Variants in CCDC102B observed in about 807,000 individuals in gnomAD.
CCDC102B encodes coiled-coil domain-containing protein 102B.
In CCDC102B, 75 loss-of-function variants were observed where a neutral mutation model predicts 57.4. The ratio of observed to expected loss-of-function variants is 1.31; its 90% CI spans 1.08 to 1.58. CCDC102B has a LOEUF of 1.58. CCDC102B is among the 40% of genes most tolerant of loss of function. The pLI, the probability that CCDC102B is intolerant of heterozygous loss-of-function variation, is 0.00. For synonymous variants in CCDC102B, 206 were observed against 201.9 expected, an observed-to-expected ratio of 1.02 and a Z score of -0.17; for missense variants, 636 against 582.6, an observed-to-expected ratio of 1.09 and a Z score of -0.94.
chr18:69,039,573 T>G (rs1275849336), intron 7 of CCDC102B, among the ~76,000 whole-genome samples: 1 of 151,930 alleles, frequency 6.6e-6, no homozygotes, highest in Non-Finnish European at 1.5e-5. Context: ...GTACTATTAT[T>G]AATTATATGT....
intron 2 of CCDC102B, among the ~76,000 whole-genome samples, chr18:68,787,715 C>T (rs1264998331): frequency 6.8e-6 from 1 of 147,844 alleles, no homozygotes; most frequent in Non-Finnish European, 1.5e-5. Context: ...TGATTCTTCT[C>T]TCTTTTTTTC....
intron 6 of CCDC102B, among the ~76,000 whole-genome samples, chr18:68,958,357 G>C (rs1182795072): frequency 6.6e-6 from 1 of 152,146 alleles, no homozygotes; most frequent in Non-Finnish European, 1.5e-5. Flanking sequence ...TCATTCTGTT[G>C]ATATGACATA....
intron 6 of CCDC102B, chr18:68,897,717 A>G (rs2040294490): frequency 9.3e-7 from 1 of 1,071,730 alleles, no homozygotes; most frequent in Non-Finnish European, 1.3e-6. Context: ...TTTGTTTCTT[A>G]TTAAAGCTTT....
intron 5 of CCDC102B, among the ~76,000 whole-genome samples, chr18:68,879,895 C>T (rs1354365864): frequency 6.6e-6 from 1 of 152,232 alleles, no homozygotes; most frequent in Non-Finnish European, 1.5e-5. Flanking sequence ...TAAAGGTTCT[C>T]CACGTCCCCA....
At chr18:69,002,302 G>T (rs894729255) in intron 6 of CCDC102B, among the ~76,000 whole-genome samples, 1 of 152,172 alleles carries the variant, frequency 6.6e-6, no homozygotes, top group African/African-American at 2.4e-5. Context: ...TACAATTGTA[G>T]AGGCAGAAAA....
chr18:68,867,005 T>C, intron 4 of CCDC102B: 1 of 308,598 alleles, frequency 3.2e-6, no homozygotes, highest in Admixed American at 4.5e-5. Context: ...TGTGTTGTGG[T>C]CTGTAGGGCT....
intron 4 of CCDC102B, among the ~76,000 whole-genome samples, chr18:68,857,654 A>G (rs4891705): frequency 0.29 from 43,998 of 151,166 alleles, 6,837 homozygotes; most frequent in Non-Finnish European, 0.34. Context: ...CTAAAGACAA[A>G]TATGTACAGA....
chr18:68,808,486 T>G (rs1315332618), intron 1 of CCDC102B, among the ~76,000 whole-genome samples: 1 of 142,386 alleles, frequency 7.0e-6, no homozygotes, highest in Non-Finnish European at 1.5e-5. Flanking sequence ...TTTTTTTTTT[T>G]TTTTTTTGTG....
At chr18:68,878,192 G>A (rs1417126119) in intron 5 of CCDC102B, among the ~76,000 whole-genome samples, 4 of 152,074 alleles carry the variant, frequency 2.6e-5, no homozygotes, top group Non-Finnish European at 4.4e-5. Flanking sequence ...TGCCTCCTGG[G>A]CTCAGGCAAT....
intron 7 of CCDC102B, among the ~76,000 whole-genome samples, chr18:69,043,183 A>T (rs2052474676): frequency 6.6e-6 from 1 of 152,158 alleles, no homozygotes; most frequent in South Asian, 2.1e-4. Context: ...ATACACATAA[A>T]CATCTCAATG....
intron 4 of CCDC102B, among the ~76,000 whole-genome samples, chr18:68,867,236 C>T (rs1432681743): frequency 1.3e-5 from 2 of 152,298 alleles, no homozygotes; most frequent in Non-Finnish European, 2.9e-5. Flanking sequence ...GTGATCCGCC[C>T]GTCTCGGCCT....
At chr18:68,941,350 G>T (rs1451167104) in intron 6 of CCDC102B, among the ~76,000 whole-genome samples, 3 of 151,948 alleles carry the variant, frequency 2.0e-5, no homozygotes, top group Non-Finnish European at 4.4e-5. Flanking sequence ...ATATTATTAA[G>T]TTGGAGTCTG....
At chr18:68,819,407 C>T (rs999431340) in intron 1 of CCDC102B, among the ~76,000 whole-genome samples, 6 of 151,912 alleles carry the variant, frequency 3.9e-5, no homozygotes, top group Admixed American at 6.6e-5. Context: ...GATCCATGTT[C>T]GGACTCTTAA....
rs1368188929 is a variant in CCDC102B, at chr18:68,963,904, G to A, written c.1264-47030G>A. Among the ~76,000 whole-genome samples, 3 of 151,922 alleles carry A rather than the reference G, an allele frequency of 2.0e-5. No individual in the cohort carries two copies. The East Asian group carries it at 5.8e-4, about 29-fold the overall frequency. On this transcript the variant is annotated intron_variant, in intron 6 of 7. Transcript: ENST00000360242. ...AAATTTATGGATGGTATCATCATGT[G>A]AGAGAATATGTTTGTATATAAATGT...
intron 2 of CCDC102B, among the ~76,000 whole-genome samples, chr18:68,740,825 C>T (rs1278152182): frequency 6.6e-6 from 1 of 152,012 alleles, no homozygotes; most frequent in East Asian, 1.9e-4. Flanking sequence ...TATATATGTA[C>T]TTATGAAATA....
intron 6 of CCDC102B, among the ~76,000 whole-genome samples, chr18:68,948,521 TGGCAC>T (rs2049602881): frequency 6.6e-6 from 1 of 152,112 alleles, no homozygotes; most frequent in Non-Finnish European, 1.5e-5. Flanking sequence ...ACATTGAAGA[TGGCAC>T]CACCAGAACT....
At chr18:68,732,317 T>G (rs982357715) in intron 2 of CCDC102B, among the ~76,000 whole-genome samples, 2 of 151,996 alleles carry the variant, frequency 1.3e-5, no homozygotes, top group Non-Finnish European at 2.9e-5. Context: ...GAAATGTGTA[T>G]CTGGCATTTC....
chr18:68,777,356 C>T (rs1309629562), intron 2 of CCDC102B, among the ~76,000 whole-genome samples: 1 of 152,128 alleles, frequency 6.6e-6, no homozygotes, highest in South Asian at 2.1e-4. Context: ...CCCACATTGT[C>T]AGTTTCTAGG....
At chr18:68,988,415 T>G (rs1378189705) in intron 6 of CCDC102B, among the ~76,000 whole-genome samples, 1 of 151,502 alleles carries the variant, frequency 6.6e-6, no homozygotes, top group East Asian at 1.9e-4. Context: ...TGGGAGGGTA[T>G]GGGTTGAGCA....
Sources: allele counts gnomAD v4.1 joint callset (sites outside exome capture counted in the v4.1 genomes callset), GRCh38; gene constraint gnomAD v4.1.1; transcripts MANE v1.5; gene names NCBI Gene and HGNC (gene_info 2026-07-23, HGNC 2026-07-21).